HTR4: variants seen among roughly 807,000 people sequenced by gnomAD.
The protein encoded by HTR4 is 5-hydroxytryptamine receptor 4.
Under a neutral mutation model 36.8 loss-of-function variants are expected in HTR4, and 16 were observed. The ratio of observed to expected loss-of-function variants is 0.43; its 90% CI spans 0.29 to 0.66. HTR4 has a LOEUF of 0.66. Among genes scored for constraint, HTR4 ranks in the 30% least tolerant of loss-of-function variants. The pLI, the probability that HTR4 is intolerant of heterozygous loss-of-function variation, is 0.13. For synonymous variants in HTR4, 189 were observed against 185.1 expected (o/e 1.02, Z -0.17); for missense variants, 438 against 490.9 (o/e 0.89, Z 1.02).
At chr5:148,477,831 T>C (rs993990710), downstream of HTR4, among the ~76,000 whole-genome samples, 4 of 152,174 alleles carry the variant, frequency 2.6e-5, no homozygotes, top group African/African-American at 9.7e-5. Flanking sequence ...GCATTTGTAT[T>C]TGCTTTTCCC....
intron 6 of HTR4, among the ~76,000 whole-genome samples, chr5:148,500,275 G>A (rs957389162): frequency 6.6e-6 from 1 of 152,080 alleles, no homozygotes; most frequent in African/African-American, 2.4e-5. Flanking sequence ...CATGAAGACT[G>A]TATTTAAAGT....
chr5:148,536,406 G>C (rs1370394361), intron 4 of HTR4, among the ~76,000 whole-genome samples: 1 of 151,644 alleles, frequency 6.6e-6, no homozygotes, highest in Non-Finnish European at 1.5e-5. Flanking sequence ...GAATGTAAAT[G>C]GATTAAATGC....
At chr5:148,586,584 C>T (rs1004977050) in intron 2 of HTR4, among the ~76,000 whole-genome samples, 1 of 152,040 alleles carries the variant, frequency 6.6e-6, no homozygotes, top group Non-Finnish European at 1.5e-5. Context: ...TAGGGGAAAC[C>T]ACTTCCAGGA....
Position 148,523,206 on chromosome 5 carries a change from C to T in HTR4, c.494G>A (p.Gly165Asp). 1 of 1,613,262 alleles carries T rather than the reference C, an allele frequency of 6.2e-7. No homozygotes were observed. Among genetic ancestry groups the T allele is most frequent in the Non-Finnish European group, 8.5e-7 (1 of 1,179,588 alleles). The change falls in exon 5 of 7, where the codon GGC becomes GAC. Residue 165 changes from glycine to aspartate, a missense_variant. Physicochemically the swap from Gly to Asp is moderately conservative, Grantham distance 94. Transcript: ENST00000377888. ...GTGGATACTCACCAAATCAATTATG[C>T]CAATGTTATTCCAGCCTTGCATTAT... The part of the protein sequence containing the change: ...LPIMQGWNNI[G>D]IIDLIEKRKF...
At chr5:148,566,788 A>T in intron 2 of HTR4, among the ~76,000 whole-genome samples, 1 of 152,158 alleles carries the variant, frequency 6.6e-6, no homozygotes. Flanking sequence ...TATACGTATG[A>T]CATACCTGTA....
rs116247118 is a variant in HTR4, at chr5:148,580,784, C to T, written c.27-30522G>A. Among the ~76,000 whole-genome samples the T allele has an allele frequency of 9.2e-3, 1,395 of 152,100 alleles. 20 individuals are homozygous for T. The highest frequency in any genetic ancestry group is 0.031 in the African/African-American group (1,289 of 41,490). ...GCCTATTCATTCATCTGTTGATAGA[C>T]ATTTGGGTTATTTTGGCTACTCTGA... On this transcript the variant is annotated intron_variant, in intron 2 of 6. Transcript: ENST00000377888.
intron 2 of HTR4, among the ~76,000 whole-genome samples, chr5:148,609,740 C>T (rs1752331833): frequency 6.6e-6 from 1 of 151,878 alleles, no homozygotes; most frequent in African/African-American, 2.4e-5. Context: ...TAATTTTTTG[C>T]ATTTTTTAGT....
intron 6 of HTR4, among the ~76,000 whole-genome samples, chr5:148,507,333 T>A (rs993296130): frequency 1.5e-5 from 2 of 130,254 alleles, no homozygotes; most frequent in Non-Finnish European, 3.1e-5. Flanking sequence ...ATAAGAACAT[T>A]TGGACACAGG....
chr5:148,500,833 T>A (rs1468045134), intron 6 of HTR4, among the ~76,000 whole-genome samples: 4 of 152,170 alleles, frequency 2.6e-5, no homozygotes, highest in Non-Finnish European at 5.9e-5. Context: ...CCTAATATTT[T>A]TTAATTAAGA....
exon 6 of HTR4, chr5:148,451,058 C>T: frequency 6.6e-7 from 1 of 1,517,268 alleles, no homozygotes; most frequent in Non-Finnish European, 8.9e-7. Context: ...TGTACCTCCT[C>T]TGGGCTCTCA....
intron 2 of HTR4, among the ~76,000 whole-genome samples, chr5:148,593,593 G>A (rs1245357708): frequency 6.6e-6 from 1 of 151,954 alleles, no homozygotes; most frequent in Non-Finnish European, 1.5e-5. Context: ...TCTCATACCT[G>A]AAATAAACCT....
intron 2 of HTR4, among the ~76,000 whole-genome samples, chr5:148,577,632 C>A (rs1490977254): frequency 6.6e-6 from 1 of 152,064 alleles, no homozygotes; most frequent in African/African-American, 2.4e-5. Context: ...GAATACTATG[C>A]AGCCTATATA....
intron 2 of HTR4, among the ~76,000 whole-genome samples, chr5:148,614,669 A>G (rs1230539670): frequency 6.6e-6 from 1 of 152,192 alleles, no homozygotes; most frequent in Non-Finnish European, 1.5e-5. Context: ...ACAAAAGACA[A>G]AATTGACAAA....
At chr5:148,586,885 C>G (rs145326688) in intron 2 of HTR4, among the ~76,000 whole-genome samples, 1 of 152,256 alleles carries the variant, frequency 6.6e-6, no homozygotes, top group Non-Finnish European at 1.5e-5. Context: ...TCTCTGCTGC[C>G]CTAATCCTCT....
At chr5:148,637,144 C>A in intron 1 of HTR4, 83 bp from the exon 2 acceptor site, 1 of 812,078 alleles carries the variant, frequency 1.2e-6, no homozygotes, top group South Asian at 1.6e-5. Flanking sequence ...ACTCAAATAA[C>A]TATTGCTTCC....
At chr5:148,561,659 T>C (rs1427162717) in intron 2 of HTR4, among the ~76,000 whole-genome samples, 1 of 151,974 alleles carries the variant, frequency 6.6e-6, no homozygotes, top group Non-Finnish European at 1.5e-5. Flanking sequence ...TGTTAAGGAA[T>C]ACACTCACCA....
At chr5:148,511,768 A>G (rs1757511081) in intron 5 of HTR4, among the ~76,000 whole-genome samples, 1 of 152,020 alleles carries the variant, frequency 6.6e-6, no homozygotes. Flanking sequence ...TATTTCCACC[A>G]CGAGAGCAGG....
At chr5:148,553,756 A>T (rs1021142111) in intron 2 of HTR4, among the ~76,000 whole-genome samples, 8 of 152,256 alleles carry the variant, frequency 5.3e-5, no homozygotes, top group South Asian at 2.1e-4. Context: ...GGGGAAATGG[A>T]AACACTTGTG....
At chr5:148,654,033 C>T in intron 1 of HTR4, 29 bp downstream of exon 1, 3 of 984,376 alleles carry the variant, frequency 3.0e-6, no homozygotes, top group Non-Finnish European at 3.6e-6. Flanking sequence ...TCCTGGGGTC[C>T]CGACCCCCGG....
Sources: gnomAD v4.1 joint callset for allele counts (sites outside exome capture counted in the v4.1 genomes callset) on GRCh38, gnomAD v4.1.1 for gene constraint, MANE v1.5 for transcripts, NCBI Gene and HGNC (gene_info 2026-07-23, HGNC 2026-07-21) for gene names.